Variants in TMEM178B observed in about 807,000 individuals in gnomAD.
The protein encoded by TMEM178B is transmembrane protein 178B.
In TMEM178B, 5 loss-of-function variants were observed where a neutral mutation model predicts 31.0. The observed-to-expected ratio is 0.16, with a 90% confidence interval of 0.08 to 0.34. The LOEUF (loss-of-function observed/expected upper bound fraction) is 0.34. TMEM178B is among the 10% of genes least tolerant of loss of function. TMEM178B has a pLI of 1.00. For missense variants in TMEM178B, 275 were observed against 400.3 expected (o/e 0.69, Z 2.67); for synonymous variants, 164 against 164.0 (o/e 1.00, Z 0.00).
In TMEM178B at chr7:141,194,882, C is replaced by T. The variant is rs1796756882; in HGVS notation, c.383-17709C>T. ...GTTCCCCAACCTCAATTCTTGATGT[C>T]TGTGCACCCACAGGCTCAACACCAC... is the stretch of plus-strand genomic sequence containing the variant. On this transcript the variant is annotated intron_variant, in intron 1 of 3. Transcript: ENST00000565468. Among the ~76,000 whole-genome samples the T allele has an allele frequency of 3.3e-5, 5 of 152,360 alleles. 1 individual carries two copies. The South Asian group carries it at 8.3e-4, about 25-fold the overall frequency.
chr7:141,209,217 T>G (rs1319342278), intron 1 of TMEM178B, among the ~76,000 whole-genome samples: 1 of 152,214 alleles, frequency 6.6e-6, no homozygotes, highest in Non-Finnish European at 1.5e-5. Context: ...CTTTGATTCC[T>G]TTTTTCCCCA....
At chr7:141,507,297 G>T in the TMEM178B span, among the ~76,000 whole-genome samples, 1 of 152,210 alleles carries the variant, frequency 6.6e-6, no homozygotes, top group African/African-American at 2.4e-5. Flanking sequence ...CTCTATGAGG[G>T]CTCTGCCCCT....
intron 2 of TMEM178B, among the ~76,000 whole-genome samples, chr7:141,291,399 CATG>C: frequency 6.6e-6 from 1 of 152,142 alleles, no homozygotes; most frequent in South Asian, 2.1e-4. Flanking sequence ...TAGGTTAGAC[CATG>C]ATGTGTGCCC....
intron 1 of TMEM178B, among the ~76,000 whole-genome samples, chr7:141,134,307 A>T (rs185342243): frequency 6.6e-6 from 1 of 152,188 alleles, no homozygotes; most frequent in Non-Finnish European, 1.5e-5. Flanking sequence ...AGGGGGGAAA[A>T]AAAAGAAAAG....
chr7:141,212,977 C>G (rs756054752), intron 2 of TMEM178B, among the ~76,000 whole-genome samples: 8 of 152,210 alleles, frequency 5.3e-5, no homozygotes, highest in Non-Finnish European at 1.2e-4. Context: ...ATTTCACTAC[C>G]CTGGTAGGCA....
At chr7:141,078,763 G>A (rs1039210888) in intron 1 of TMEM178B, among the ~76,000 whole-genome samples, 3 of 152,162 alleles carry the variant, frequency 2.0e-5, no homozygotes, top group African/African-American at 7.2e-5. Context: ...TGGATGTGGA[G>A]GAAGGATATT....
chr7:141,097,735 AT>A (rs1794987818), intron 1 of TMEM178B, among the ~76,000 whole-genome samples: 1 of 135,804 alleles, frequency 7.4e-6, no homozygotes, highest in South Asian at 2.4e-4. Flanking sequence ...TCATATACTT[AT>A]TTTTCTCCTT....
At chr7:141,487,326 G>A in the TMEM178B span, among the ~76,000 whole-genome samples, 1 of 151,940 alleles carries the variant, frequency 6.6e-6, no homozygotes, top group East Asian at 1.9e-4. Flanking sequence ...AGCCTATCTG[G>A]CACAGTAAAA....
chr7:141,115,167 C>T (rs548913891), intron 1 of TMEM178B, among the ~76,000 whole-genome samples: 29 of 152,226 alleles, frequency 1.9e-4, no homozygotes, highest in African/African-American at 7.0e-4. Flanking sequence ...CTCAACCTCC[C>T]GAGTAGCTGG....
rs1288681082 is a variant in TMEM178B, at chr7:141,395,605, C to T, written c.497-42003C>T. On this transcript the variant is annotated intron_variant, in intron 2 of 3. Transcript: ENST00000565468. ...TGCAGCCTAGTGACATCAGAGGTCT[C>T]CCCAAGGCCTCCCTGCCAGTCTTCA... Among the ~76,000 whole-genome samples, 3 of 152,276 alleles carry T rather than the reference C, an allele frequency of 2.0e-5. No homozygotes were observed. The East Asian group carries it at 5.8e-4, about 29-fold the overall frequency.
chr7:141,407,575 T>A (rs1006858114), intron 2 of TMEM178B, among the ~76,000 whole-genome samples: 3 of 152,150 alleles, frequency 2.0e-5, no homozygotes, highest in Non-Finnish European at 4.4e-5. Context: ...ACGCTCCCGA[T>A]CTCGTCTGAA....
At chr7:141,391,169 C>A (rs1001352422) in intron 2 of TMEM178B, among the ~76,000 whole-genome samples, 7 of 148,488 alleles carry the variant, frequency 4.7e-5, no homozygotes, top group African/African-American at 7.4e-5. Context: ...TTCTTTCAAC[C>A]CCCTGCTTTT....
At chr7:141,332,369 A>G (rs193266592) in intron 2 of TMEM178B, among the ~76,000 whole-genome samples, 74 of 152,318 alleles carry the variant, frequency 4.9e-4, no homozygotes, top group Non-Finnish European at 6.8e-4. Context: ...TTAACATCAT[A>G]TGGTTCATAG....
chr7:141,451,978 A>G (rs1164977636), intron 3 of TMEM178B, among the ~76,000 whole-genome samples: 2 of 152,096 alleles, frequency 1.3e-5, no homozygotes, highest in African/African-American at 4.8e-5. Context: ...ACCTAGCTCC[A>G]TCTTTCGTGA....
the TMEM178B span, among the ~76,000 whole-genome samples, chr7:141,503,849 C>T: frequency 6.6e-6 from 1 of 152,144 alleles, no homozygotes; most frequent in African/African-American, 2.4e-5. Context: ...CAGATCTGTC[C>T]TGGTCTGGGT....
intron 2 of TMEM178B, among the ~76,000 whole-genome samples, chr7:141,285,318 T>G (rs1240443410): frequency 6.6e-6 from 1 of 151,180 alleles, no homozygotes; most frequent in Non-Finnish European, 1.5e-5. Flanking sequence ...ATCCTGCTAA[T>G]TTTTTTGTAT....
At chr7:141,366,777 C>T (rs559662126) in intron 2 of TMEM178B, among the ~76,000 whole-genome samples, 1 of 152,286 alleles carries the variant, frequency 6.6e-6, no homozygotes, top group Non-Finnish European at 1.5e-5. Flanking sequence ...CTCCCACTCA[C>T]GTCCTTTCCT....
At chr7:141,486,223 G>A in the TMEM178B span, among the ~76,000 whole-genome samples, 1 of 152,160 alleles carries the variant, frequency 6.6e-6, no homozygotes, top group African/African-American at 2.4e-5. Context: ...ATAGAATGCA[G>A]GATGATAGAC....
intron 1 of TMEM178B, among the ~76,000 whole-genome samples, chr7:141,116,233 G>A (rs190508318): frequency 6.6e-6 from 1 of 152,266 alleles, no homozygotes; most frequent in East Asian, 1.9e-4. Flanking sequence ...GGTGTTCTTT[G>A]TGCCAACACA....
Sources: allele counts gnomAD v4.1 joint callset (sites outside exome capture counted in the v4.1 genomes callset), GRCh38; gene constraint gnomAD v4.1.1; transcripts MANE v1.5; gene names NCBI Gene and HGNC (gene_info 2026-07-23, HGNC 2026-07-21).